RNF135: variants seen among roughly 807,000 people sequenced by gnomAD.
RNF135 encodes the protein ring finger protein 135, also known as E3 ubiquitin-protein ligase RNF135.
Under a neutral mutation model 41.9 loss-of-function variants are expected in RNF135, and 46 were observed. The observed-to-expected ratio is 1.10, with a 90% confidence interval of 0.87 to 1.40. The LOEUF is 1.40. RNF135 is among the 40% of genes most tolerant of loss of function. RNF135 has a pLI of 0.00. For synonymous variants in RNF135, 238 were observed against 223.8 expected, an observed-to-expected ratio of 1.06 and a Z score of -0.57; for missense variants, 539 against 549.8, an observed-to-expected ratio of 0.98 and a Z score of 0.20.
At chr17:30,997,150 A>G in intron 3 of RNF135, 92 bp from the exon 4 acceptor site, 1 of 988,004 alleles carries the variant, frequency 1.0e-6, no homozygotes, top group Non-Finnish European at 1.6e-6. Flanking sequence ...TAAGAAGACA[A>G]GCCAGCCATG....
chr17:30,960,178 G>C, the RNF135 span, among the ~76,000 whole-genome samples: 1 of 151,848 alleles, frequency 6.6e-6, no homozygotes, highest in African/African-American at 2.4e-5. Flanking sequence ...CAGATCATGA[G>C]GTCAGGAGAT....
chr17:30,987,532 G>A (rs925719250), intron 2 of RNF135, among the ~76,000 whole-genome samples: 1 of 152,088 alleles, frequency 6.6e-6, no homozygotes, highest in Non-Finnish European at 1.5e-5. Flanking sequence ...ACACCTAGCC[G>A]AAAAGGTTAT....
upstream of RNF135, among the ~76,000 whole-genome samples, chr17:30,966,354 T>A (rs910425549): frequency 2.7e-5 from 4 of 148,118 alleles, no homozygotes. Flanking sequence ...TTTATTTTTA[T>A]TTTATTTATT....
At chr17:30,993,715 AAG>A in intron 3 of RNF135, 2 of 791,502 alleles carry the variant, frequency 2.5e-6, no homozygotes, top group South Asian at 3.6e-5. Flanking sequence ...TAAAAAAAAA[AAG>A]TAAATAACTT....
At chr17:30,983,353 A>ATATATTTTTTT (rs1420453160) in intron 1 of RNF135, among the ~76,000 whole-genome samples, 14 of 35,734 alleles carry the variant, frequency 3.9e-4, no homozygotes, top group Admixed American at 9.7e-4. Flanking sequence ...ATATATATAT[A>ATATATTTTTTT]TTTTTTTTTT....
chr17:30,968,196 G>C (rs1905630581), upstream of RNF135, among the ~76,000 whole-genome samples: 1 of 150,850 alleles, frequency 6.6e-6, no homozygotes, highest in African/African-American at 2.4e-5. Flanking sequence ...GCTGAGGCAG[G>C]AGAATGGTTT....
intron 1 of RNF135, chr17:30,975,407 C>T (rs944002947): frequency 6.5e-6 from 5 of 766,992 alleles, no homozygotes; most frequent in Non-Finnish European, 1.2e-5. Flanking sequence ...AGAGGATCTT[C>T]CTAAAGGCAA....
Position 30,999,062 on chromosome 17 carries a change from T to G in RNF135, c.1170T>G (p.Tyr390Ter). ...LNLEEGKLAF[Y>*]SVDNQEKLLY... ...TTGAGGAGGGAAAGCTTGCCTTCTA[T>G]TCAGTGGACAATCAGGAGAAGCTTC... is the stretch of plus-strand genomic sequence containing the variant. The change falls in exon 5 of 5, where the codon TAT (tyrosine) becomes TAG (stop). Residue 390 changes from tyrosine (Y) to a stop codon, truncating the protein, a stop_gained. Transcript: ENST00000328381. LOFTEE classifies it high-confidence loss of function. 1 of 1,614,156 alleles carries G rather than the reference T, an allele frequency of 6.2e-7. No individual in the cohort carries two copies.
intron 3 of RNF135, among the ~76,000 whole-genome samples, chr17:30,989,172 C>T (rs1186149882): frequency 6.6e-6 from 1 of 151,512 alleles, no homozygotes; most frequent in African/African-American, 2.4e-5. Flanking sequence ...GAGTTCAAGA[C>T]CAGCCTGGAC....
upstream of RNF135, among the ~76,000 whole-genome samples, chr17:30,966,243 G>C (rs1905540868): frequency 6.6e-6 from 1 of 152,086 alleles, no homozygotes. Context: ...AGCGAAGACA[G>C]CCAGCCTGTG....
rs140592050 is a variant in RNF135 at position 30,998,899 on chromosome 17, G to A, written c.1007G>A (p.Arg336His). ...GGGGTGGCTTCCTGGGAGATGAGCCGCGACCAGGTCCTGGGAAGGACTATG... is the reference window on the plus strand; with the variant it reads ...GGGGTGGCTTCCTGGGAGATGAGCCACGACCAGGTCCTGGGAAGGACTATG... ...AVGVASWEMS[R>H]DQVLGRTMDS... The change falls in exon 5 of 5, where the codon CGC (arginine) becomes CAC (histidine). Residue 336 changes from arginine (R) to histidine (H), a missense_variant. Transcript: ENST00000328381. 4.6e-5 allele frequency: 74 copies of A among 1,611,640 alleles called. No homozygotes were observed. Among genetic ancestry groups the A allele is most frequent in the South Asian group, 2.1e-4 (19 of 90,958 alleles).
At chr17:30,968,510 T>C (rs1305861160), upstream of RNF135, among the ~76,000 whole-genome samples, 1 of 151,406 alleles carries the variant, frequency 6.6e-6, no homozygotes, top group Non-Finnish European at 1.5e-5. Context: ...CTCAGCCTCC[T>C]GAGTAGCTGG....
At chr17:30,982,917 C>T (rs1907259845) in intron 1 of RNF135, among the ~76,000 whole-genome samples, 1 of 152,090 alleles carries the variant, frequency 6.6e-6, no homozygotes. Flanking sequence ...TTAAAATTCT[C>T]CATTTCCTCT....
chr17:30,998,863 A>T lies in RNF135; in HGVS notation c.971A>T (p.His324Leu). Residue 324 changes from histidine to leucine, a missense_variant, in exon 5 of 5, where the codon CAC becomes CTC. His to Leu is a moderately conservative substitution (Grantham distance 99). Transcript: ENST00000328381. ...GAAGTGGACACTAGGAATTGCAGCC[A>T]CTGGGCAGTTGGGGTGGCTTCCTGG... The part of the protein sequence containing the change: ...YWEVDTRNCS[H>L]WAVGVASWEM... 3 of 1,612,744 alleles carry T rather than the reference A, an allele frequency of 1.9e-6. No homozygotes were observed. In the African/African-American group the frequency reaches 4.0e-5, roughly 22 times the overall value.
At chr17:30,985,321 T>C (rs1395658512) in intron 2 of RNF135, among the ~76,000 whole-genome samples, 1 of 152,200 alleles carries the variant, frequency 6.6e-6, no homozygotes, top group African/African-American at 2.4e-5. Flanking sequence ...GCTGGAGCCT[T>C]CTCTGAGCAC....
rs553966814 is a variant in RNF135 at position 30,986,589 on chromosome 17, A to G, written c.517-1355A>G. Among the ~76,000 whole-genome samples the G allele has an allele frequency of 3.3e-5, 5 of 152,324 alleles. No homozygotes were observed. In the East Asian group the frequency reaches 7.7e-4, roughly 24 times the overall value. On this transcript the variant is annotated intron_variant, in intron 2 of 4. Transcript: ENST00000328381. Reference sequence around the variant, plus strand: ...GTAGGGGTTCAACAAATACCCACTGAATGTATGGATAAATCCATCTTTAGG... The same window carrying G: ...GTAGGGGTTCAACAAATACCCACTGGATGTATGGATAAATCCATCTTTAGG...
chr17:30,962,484 G>T, the RNF135 span, among the ~76,000 whole-genome samples: 2 of 149,308 alleles, frequency 1.3e-5, no homozygotes, highest in Admixed American at 6.7e-5. Context: ...TGTTTTTTTT[G>T]AGATGGAGTC....
chr17:30,971,864 T>C (rs1485224691), intron 1 of RNF135: 3 of 301,464 alleles, frequency 1.0e-5, no homozygotes, highest in Non-Finnish European at 1.5e-5. Flanking sequence ...TGATCTCGGC[T>C]CACTGCAACC....
chr17:30,977,248 T>C (rs1906540174), intron 1 of RNF135, among the ~76,000 whole-genome samples: 1 of 152,200 alleles, frequency 6.6e-6, no homozygotes, highest in Non-Finnish European at 1.5e-5. Flanking sequence ...CACTTCAAAT[T>C]CATCCCCTGC....
Sources: allele counts gnomAD v4.1 joint callset (sites outside exome capture counted in the v4.1 genomes callset), GRCh38; gene constraint gnomAD v4.1.1; transcripts MANE v1.5; gene names NCBI Gene and HGNC (gene_info 2026-07-23, HGNC 2026-07-21).